Variants in DSCAML1 observed in about 807,000 individuals in gnomAD.
The protein encoded by DSCAML1 is cell adhesion molecule DSCAML1.
Under a neutral mutation model 200.5 loss-of-function variants are expected in DSCAML1, and 38 were observed. That is an observed-to-expected ratio of 0.19 (90% CI 0.15 to 0.25). The LOEUF is 0.25. DSCAML1 is among the 10% of genes least tolerant of loss of function. The pLI is 1.00. For synonymous variants in DSCAML1, 1,215 were observed against 1,165.0 expected, an observed-to-expected ratio of 1.04 and a Z score of -0.87; for missense variants, 2,223 against 2,858.8, an observed-to-expected ratio of 0.78 and a Z score of 5.07.
intron 3 of DSCAML1, among the ~76,000 whole-genome samples, chr11:117,694,280 G>T (rs192525670): frequency 1.8e-3 from 279 of 151,786 alleles, no homozygotes; most frequent in African/African-American, 6.6e-3. Flanking sequence ...GCAGGTGCCT[G>T]TAATCCCAGC....
In DSCAML1 at chr11:117,663,559, G is replaced by A. The variant is rs536594187; in HGVS notation, c.511+113232C>T. On this transcript the variant is annotated intron_variant, in intron 3 of 32. Coordinates refer to ENST00000651296, the MANE Select transcript of DSCAML1 (RefSeq NM_020693.4). ...TCCTGCCCCTCTCCCACTGCCACTG[G>A]AAGGAGTGAACCCAGTCTCTTCCAG... 3.3e-5 allele frequency among the ~76,000 whole-genome samples: 5 copies of A among 152,152 alleles called. No individual in the cohort carries two copies. In the East Asian group the frequency reaches 9.7e-4, roughly 30 times the overall value.
At chr11:117,798,719 T>C (rs2055626790), upstream of DSCAML1, among the ~76,000 whole-genome samples, 1 of 152,202 alleles carries the variant, frequency 6.6e-6, no homozygotes, top group Non-Finnish European at 1.5e-5. Context: ...TGTATCCTTT[T>C]GTGCTTGGCT....
At chr11:117,548,575 CG>C (rs1314752005) in intron 3 of DSCAML1, among the ~76,000 whole-genome samples, 4 of 152,326 alleles carry the variant, frequency 2.6e-5, no homozygotes, top group African/African-American at 4.8e-5. Context: ...CACATTTGGA[CG>C]GGGTCATCTT....
intron 3 of DSCAML1, among the ~76,000 whole-genome samples, chr11:117,559,129 A>AG (rs2050612363): frequency 7.2e-6 from 1 of 139,260 alleles, no homozygotes; most frequent in African/African-American, 2.7e-5. Context: ...AAAGACAGAA[A>AG]AACAGACACA....
rs1219953173 is a variant in DSCAML1, at chr11:117,437,911, G to T, written c.4416C>A (p.Ala1472=). 7 of 1,610,298 alleles carry T rather than the reference G, an allele frequency of 4.3e-6. No individual in the cohort carries two copies. In the East Asian group the frequency reaches 1.3e-4, roughly 31 times the overall value. ...GSGRISEIIE[A]KTHGREPSFS... ...GGGCCTCACCCCGCCCGTGGGTCTTGGCCTCGATGATCTCGCTGATGCGCC... is the reference window on the plus strand; with the variant it reads ...GGGCCTCACCCCGCCCGTGGGTCTTTGCCTCGATGATCTCGCTGATGCGCC... Residue 1472 remains alanine (A), a synonymous_variant, in exon 25 of 33, where the codon GCC becomes GCA. Transcript: ENST00000651296. The surrounding 1 kb of genome is among the most constrained non-coding windows in gnomAD (Gnocchi z 5.3).
intron 3 of DSCAML1, among the ~76,000 whole-genome samples, chr11:117,568,137 A>C (rs189775658): frequency 3.9e-4 from 59 of 152,372 alleles, no homozygotes; most frequent in Non-Finnish European, 6.9e-4. Context: ...TGATTATCTC[A>C]ATAAATGCAG....
intron 3 of DSCAML1, among the ~76,000 whole-genome samples, chr11:117,636,864 C>T (rs1222740680): frequency 6.6e-6 from 1 of 152,116 alleles, no homozygotes; most frequent in African/African-American, 2.4e-5. Context: ...AAGTAGTAGT[C>T]AGTAAATAAA....
intron 3 of DSCAML1, among the ~76,000 whole-genome samples, chr11:117,585,808 C>T (rs544691207): frequency 5.9e-5 from 9 of 152,156 alleles, no homozygotes; most frequent in Admixed American, 2.0e-4. Flanking sequence ...CTCCTGGAGG[C>T]GCCGCTGAAA....
At chr11:117,581,133 T>C (rs1450737953) in intron 3 of DSCAML1, among the ~76,000 whole-genome samples, 1 of 152,234 alleles carries the variant, frequency 6.6e-6, no homozygotes, top group African/African-American at 2.4e-5. Context: ...GTGGCCCTTT[T>C]GCCCCTGTGA....
chr11:117,515,557 C>T (rs1018683256), intron 8 of DSCAML1, among the ~76,000 whole-genome samples: 1 of 149,498 alleles, frequency 6.7e-6, no homozygotes, highest in African/African-American at 2.5e-5. Context: ...CAGGACCAGG[C>T]ATGAAACAAA....
chr11:117,542,070 G>C (rs1290443188), intron 3 of DSCAML1, among the ~76,000 whole-genome samples: 1 of 152,144 alleles, frequency 6.6e-6, no homozygotes, highest in African/African-American at 2.4e-5. Context: ...AGCACTTTGG[G>C]AGGCCAAGTA....
intron 3 of DSCAML1, among the ~76,000 whole-genome samples, chr11:117,601,390 G>A (rs1469336575): frequency 3.3e-5 from 5 of 152,160 alleles, no homozygotes; most frequent in South Asian, 2.1e-4. Context: ...CAGGGAGACC[G>A]ACCTTCACCT....
At chr11:117,476,258 A>G (rs982072108) in intron 14 of DSCAML1, among the ~76,000 whole-genome samples, 3 of 152,146 alleles carry the variant, frequency 2.0e-5, no homozygotes, top group African/African-American at 7.2e-5. Flanking sequence ...TTGGTTTTTC[A>G]GGAGATACAT....
chr11:117,569,802 C>A (rs941297812), intron 3 of DSCAML1, among the ~76,000 whole-genome samples: 1 of 152,196 alleles, frequency 6.6e-6, no homozygotes, highest in Non-Finnish European at 1.5e-5. Flanking sequence ...CTCCCAAGGT[C>A]TCCTGCATGT....
At position 117,639,398 on chromosome 11, in the gene DSCAML1, G is replaced by A. The variant is rs369639587; in HGVS notation, c.512-106876C>T. Among the ~76,000 whole-genome samples the A allele has an allele frequency of 2.2e-3, 332 of 148,644 alleles. 1 individual carries two copies. Among genetic ancestry groups the A allele is most frequent in the African/African-American group, 7.8e-3 (306 of 39,204 alleles). On this transcript the variant is annotated intron_variant, in intron 3 of 32. Transcript: ENST00000651296. ...TGGGTAGGAGGCTGGATGGATGGGA[G>A]GCTGGATGGGTAGGAGGCTGAATGG...
intron 3 of DSCAML1, among the ~76,000 whole-genome samples, chr11:117,549,675 C>A (rs2050436560): frequency 6.6e-6 from 1 of 152,198 alleles, no homozygotes; most frequent in Non-Finnish European, 1.5e-5. Flanking sequence ...CCAACGTCTA[C>A]ATCGGTACAC....
intron 11 of DSCAML1, among the ~76,000 whole-genome samples, chr11:117,487,032 C>T (rs1349697855): frequency 7.2e-6 from 1 of 138,320 alleles, no homozygotes; most frequent in Non-Finnish European, 1.5e-5. Context: ...TCAAGTGATT[C>T]TCCTGCCTCA....
chr11:117,722,382 G>A (rs7937973), intron 3 of DSCAML1, among the ~76,000 whole-genome samples: 12,906 of 152,120 alleles, frequency 0.085, 965 homozygotes, highest in African/African-American at 0.19. Context: ...GAAAGATAAG[G>A]GGGAGGGGAG....
chr11:117,791,575 G>A (rs1389545256), intron 1 of DSCAML1, among the ~76,000 whole-genome samples: 1 of 152,162 alleles, frequency 6.6e-6, no homozygotes, highest in African/African-American at 2.4e-5. Flanking sequence ...TCCACTGATG[G>A]CCAGGGGAAG....
Sources: allele counts gnomAD v4.1 joint callset (sites outside exome capture counted in the v4.1 genomes callset), GRCh38; gene constraint gnomAD v4.1.1; non-coding constraint Gnocchi (gnomAD v3.1); transcripts MANE v1.5; gene names NCBI Gene and HGNC (gene_info 2026-07-23, HGNC 2026-07-21).